The following CHMP3 variants were observed in gnomAD, a reference collection of about 807,000 sequenced individuals.
CHMP3 encodes charged multivesicular body protein 3, also known as 25.1 protein.
Under a neutral mutation model 27.4 loss-of-function variants are expected in CHMP3, and 8 were observed. The ratio of observed to expected loss-of-function variants is 0.29; its 90% CI spans 0.17 to 0.53. The LOEUF (loss-of-function observed/expected upper bound fraction) is 0.53, where lower values mean the gene tolerates loss of function less well. Among genes scored for constraint, CHMP3 ranks in the 20% least tolerant of loss-of-function variants. The probability of loss-of-function intolerance (pLI) is 0.96; values close to 1 mark genes in which losing one functional copy is unlikely to be tolerated. For missense variants in CHMP3, 208 were observed against 271.5 expected (o/e 0.77, Z 1.64); for synonymous variants, 86 against 85.5 (o/e 1.01, Z -0.03).
At position 86,529,327 on chromosome 2, in the gene CHMP3, G is replaced by A. The variant is rs1048738250; in HGVS notation, c.177C>T (p.Val59=). The A allele has an allele frequency of 6.2e-7, 1 of 1,613,072 alleles. No individual in the cohort carries two copies. Among genetic ancestry groups the A allele is most frequent in the Non-Finnish European group, 8.5e-7 (1 of 1,179,626 alleles). Residue 59 remains valine, a synonymous_variant, in exon 3 of 6, where the codon GTC becomes GTT. Coordinates refer to ENST00000263856, the MANE Select transcript of CHMP3 (RefSeq NM_016079.4). ...TCATCTCCTTGGCCAGAACTATGCAGACATCCTTCTGGCCCTTCTTGGCAG... is the reference window on the plus strand; with the variant it reads ...TCATCTCCTTGGCCAGAACTATGCAAACATCCTTCTGGCCCTTCTTGGCAG... ...KDAAKKGQKD[V]CIVLAKEMIR... is the part of the protein sequence containing the mutation.
intron 1 of CHMP3, 103 bp downstream of exon 1, chr2:86,563,201 C>A: frequency 2.2e-6 from 3 of 1,377,630 alleles, no homozygotes; most frequent in Non-Finnish European, 3.0e-6. Context: ...GGGGGCCGGG[C>A]GGTATCGGGC....
chr2:86,528,007 TA>T (rs1244928364), intron 3 of CHMP3, among the ~76,000 whole-genome samples: 1 of 152,198 alleles, frequency 6.6e-6, no homozygotes, highest in African/African-American at 2.4e-5. Context: ...ATAGATTTTT[TA>T]AAGGATGATG....
chr2:86,536,032 G>T, intron 2 of CHMP3, among the ~76,000 whole-genome samples: 1 of 109,706 alleles, frequency 9.1e-6, no homozygotes, highest in African/African-American at 3.6e-5. Flanking sequence ...GTCTCGCTCT[G>T]TCGCCCAGGC....
At chr2:86,516,897 A>G (rs1675329094) in intron 3 of CHMP3, among the ~76,000 whole-genome samples, 1 of 152,210 alleles carries the variant, frequency 6.6e-6, no homozygotes, top group Admixed American at 6.5e-5. Context: ...GTGGCTATAC[A>G]AGGGCAACAT....
chr2:86,511,551 T>A (rs1257770143), intron 3 of CHMP3: 1 of 151,612 alleles, frequency 6.6e-6, no homozygotes, highest in African/African-American at 2.4e-5. Flanking sequence ...TTTACTTTTA[T>A]AAATTTATAA....
intron 3 of CHMP3, 53 bp from the exon 4 acceptor site, chr2:86,510,532 GAC>G (rs1362294235): frequency 6.3e-7 from 1 of 1,587,574 alleles, no homozygotes; most frequent in African/African-American, 1.3e-5. Flanking sequence ...AATAGAGAGA[GAC>G]AGCCAAATTA....
intron 2 of CHMP3, 51 bp from the exon 3 acceptor site, chr2:86,529,448 C>A: frequency 6.7e-7 from 1 of 1,485,026 alleles, no homozygotes; most frequent in Non-Finnish European, 9.0e-7. Context: ...GGTTTATTGG[C>A]ACTCAAATAC....
chr2:86,520,028 T>C (rs1675463001), intron 3 of CHMP3, among the ~76,000 whole-genome samples: 3 of 152,162 alleles, frequency 2.0e-5, no homozygotes, highest in Admixed American at 2.0e-4. Context: ...ATGTATAAAA[T>C]GACATAATGT....
chr2:86,557,235 G>T (rs1677162640), intron 1 of CHMP3, among the ~76,000 whole-genome samples: 1 of 152,122 alleles, frequency 6.6e-6, no homozygotes, highest in African/African-American at 2.4e-5. Flanking sequence ...GGATGAACAG[G>T]TTTGACTGGG....
chr2:86,504,537 G>T lies in CHMP3; in HGVS notation c.*1267C>A, dbSNP rs1426328834. Reference sequence around the variant, plus strand: ...TTTTTTTTTTTTTTTTGGAGAGACAGGATCTTGCTATGTTGCCCAGGCTGG... The same window carrying T: ...TTTTTTTTTTTTTTTTGGAGAGACATGATCTTGCTATGTTGCCCAGGCTGG... On this transcript the variant is annotated 3_prime_UTR_variant, in exon 6 of 6. Transcript: ENST00000263856. The T allele has an allele frequency of 8.9e-6, 1 of 112,612 alleles. No individual in the cohort carries two copies. Among genetic ancestry groups the T allele is most frequent in the Non-Finnish European group, 1.7e-5 (1 of 59,052 alleles). 7.0% of individuals were successfully genotyped at this position (112,612 alleles called of 1,614,324 possible).
chr2:86,509,335 T>C (rs1034747383), intron 4 of CHMP3, among the ~76,000 whole-genome samples: 3 of 152,186 alleles, frequency 2.0e-5, no homozygotes, highest in African/African-American at 7.2e-5. Context: ...GTAAAGGACA[T>C]ACCCTCCTGA....
At chr2:86,512,733 CAACATGATATATT>C (rs377394497) in intron 3 of CHMP3, among the ~76,000 whole-genome samples, 6 of 152,102 alleles carry the variant, frequency 3.9e-5, no homozygotes, top group African/African-American at 1.2e-4. Flanking sequence ...GATAACTCAC[CAACATGATATATT>C]AATATAAATG....
chr2:86,522,898 C>T (rs1021985707), intron 3 of CHMP3, among the ~76,000 whole-genome samples: 2 of 152,204 alleles, frequency 1.3e-5, no homozygotes, highest in Non-Finnish European at 2.9e-5. Flanking sequence ...CACTGCTCCC[C>T]TTCATGCATT....
chr2:86,543,464 C>T (rs1341888023), intron 1 of CHMP3, among the ~76,000 whole-genome samples: 1 of 152,220 alleles, frequency 6.6e-6, no homozygotes, highest in Non-Finnish European at 1.5e-5. Context: ...AAAACCACAG[C>T]CTTGCTTGCT....
At position 86,542,284 on chromosome 2, in the gene CHMP3, T is replaced by C; in HGVS notation, c.74A>G (p.Lys25Arg). 1 of 1,613,596 alleles carries C rather than the reference T, an allele frequency of 6.2e-7. No individual in the cohort carries two copies. Among genetic ancestry groups the C allele is most frequent in the African/African-American group, 1.3e-5 (1 of 75,030 alleles). The change falls in exon 2 of 6, where the codon AAG becomes AGG. Residue 25 changes from lysine (K) to arginine (R), a missense_variant. Physicochemically the swap from Lys to Arg is conservative, Grantham distance 26. Transcript: ENST00000263856. The stretch of plus-strand genomic sequence containing the variant: ...TTGCCTGTCAACAACTCTCATTTCC[T>C]TTCTTATCTTCAATGACCACTCATT... Reference protein sequence around the residue: ...LVNEWSLKIRKEMRVVDRQIR... With the variant: ...LVNEWSLKIRREMRVVDRQIR...
At chr2:86,530,893 C>T (rs1436642500) in intron 2 of CHMP3, among the ~76,000 whole-genome samples, 5 of 152,088 alleles carry the variant, frequency 3.3e-5, no homozygotes, top group African/African-American at 9.7e-5. Flanking sequence ...GGTATGAGGT[C>T]GTTTTGATTT....
At chr2:86,548,618 G>T (rs995056451) in intron 1 of CHMP3, among the ~76,000 whole-genome samples, 2 of 151,948 alleles carry the variant, frequency 1.3e-5, no homozygotes, top group African/African-American at 2.4e-5. Flanking sequence ...CATCTGATCT[G>T]TCTTTCTTTT....
chr2:86,549,016 G>C (rs11890032), intron 1 of CHMP3, among the ~76,000 whole-genome samples: 2 of 146,508 alleles, frequency 1.4e-5, no homozygotes, highest in African/African-American at 2.5e-5. Context: ...AGGCAGAGGC[G>C]CTCCCCACCT....
chr2:86,540,495 T>C (rs779811551), intron 2 of CHMP3: 2 of 152,142 alleles, frequency 1.3e-5, no homozygotes, highest in Non-Finnish European at 2.9e-5. Context: ...ATACCAGTTG[T>C]GTATCCCTAA....
Sources: gnomAD v4.1 joint callset for allele counts (sites outside exome capture counted in the v4.1 genomes callset) on GRCh38, gnomAD v4.1.1 for gene constraint, MANE v1.5 for transcripts, NCBI Gene and HGNC (gene_info 2026-07-23, HGNC 2026-07-21) for gene names.